The following UGT1A10 variants were observed in gnomAD, a reference collection of about 807,000 sequenced individuals.
UGT1A10 encodes the protein UDP glucuronosyltransferase family 1 member A10.
UGT1A10 carries 49 observed loss-of-function variants against 45.8 expected under a neutral mutation model. The observed-to-expected ratio is 1.07, with a 90% CI of 0.85 to 1.36. The LOEUF is 1.36. Among genes scored for constraint, UGT1A10 ranks in the 40% most tolerant of loss-of-function variants. The pLI is 0.00. For synonymous variants in UGT1A10, 284 were observed against 249.7 expected, an observed-to-expected ratio of 1.14 and a Z score of -1.29; for missense variants, 745 against 668.6, an observed-to-expected ratio of 1.11 and a Z score of -1.26.
rs181203799 is a variant in UGT1A10, at chr2:233,760,152, C to T, written c.856-6882C>T. ...TTCTTTATCTCTGAAAGTGAACTCC[C>T]TGCTACCTTTGTGGACTGACAGCTT... On this transcript the variant is annotated intron_variant, in intron 1 of 4. Transcript: ENST00000344644. 37 of 1,481,016 alleles carry T rather than the reference C, an allele frequency of 2.5e-5. No individual in the cohort carries two copies. The Admixed American group carries it at 2.7e-4, about 11-fold the overall frequency. The allele number at this position is 1,481,016 out of a possible 1,614,324, so 91.7% of individuals were successfully genotyped here. A position where few individuals can be genotyped will look rare whatever the true frequency, so the allele number is the denominator to read the frequency against.
At chr2:233,768,085 C>T (rs1699559246) in intron 3 of UGT1A10, 135 bp from the exon 4 acceptor site, 1 of 1,591,380 alleles carries the variant, frequency 6.3e-7, no homozygotes, top group East Asian at 2.2e-5. Context: ...TATCTCAACC[C>T]ACATTTTCTT....
intron 1 of UGT1A10, among the ~76,000 whole-genome samples, chr2:233,652,771 C>A (rs142941845): frequency 8.9e-4 from 135 of 152,242 alleles, no homozygotes; most frequent in Admixed American, 2.8e-3. Context: ...TATCCACATG[C>A]AAAAGAATGA....
chr2:233,658,784 A>G (rs2073907069), intron 1 of UGT1A10, among the ~76,000 whole-genome samples: 1 of 152,240 alleles, frequency 6.6e-6, no homozygotes, highest in African/African-American at 2.4e-5. Flanking sequence ...GGTTGTTCAT[A>G]CTGCTAAACA....
chr2:233,675,199 C>T (rs571502829), intron 1 of UGT1A10, among the ~76,000 whole-genome samples: 5 of 152,178 alleles, frequency 3.3e-5, no homozygotes, highest in South Asian at 2.1e-4. Flanking sequence ...CAGATGGCCC[C>T]GTCTTCAATG....
At chr2:233,691,354 A>G in intron 1 of UGT1A10, 1 of 985,506 alleles carries the variant, frequency 1.0e-6, no homozygotes, top group Non-Finnish European at 1.2e-6. Flanking sequence ...CATGCCTTGA[A>G]CAATGAATTT....
intron 1 of UGT1A10, chr2:233,761,022 G>A (rs749651784): frequency 1.2e-6 from 2 of 1,614,120 alleles, no homozygotes; most frequent in Non-Finnish European, 1.7e-6. Context: ...TGACTGTCCA[G>A]GACCTATTGA....
chr2:233,672,609 A>G, intron 1 of UGT1A10: 1 of 1,613,812 alleles, frequency 6.2e-7, no homozygotes, highest in Non-Finnish European at 8.5e-7. Context: ...GTTTTTTCAA[A>G]AATGCCCTAG....
chr2:233,642,337 A>G (rs757279353), intron 1 of UGT1A10, among the ~76,000 whole-genome samples: 21 of 152,122 alleles, frequency 1.4e-4, no homozygotes, highest in Non-Finnish European at 2.8e-4. Context: ...TGCATTTTTC[A>G]GCTCCAGAAT....
intron 1 of UGT1A10, among the ~76,000 whole-genome samples, chr2:233,726,425 CTCTTAA>C (rs2077531694): frequency 6.6e-6 from 1 of 152,204 alleles, no homozygotes; most frequent in Non-Finnish European, 1.5e-5. Context: ...ATTCTGTCCA[CTCTTAA>C]TCTTATTCTT....
intron 1 of UGT1A10, among the ~76,000 whole-genome samples, chr2:233,725,069 C>G (rs1374250230): frequency 2.7e-5 from 4 of 146,562 alleles, no homozygotes; most frequent in Non-Finnish European, 4.5e-5. Context: ...CGCCTGCAAT[C>G]GCAGGCACTC....
intron 1 of UGT1A10, among the ~76,000 whole-genome samples, chr2:233,652,901 A>C (rs2125478312): frequency 6.6e-6 from 1 of 152,370 alleles, no homozygotes; most frequent in Non-Finnish European, 1.5e-5. Flanking sequence ...CAGATTTGGA[A>C]ATGGTTTCTG....
intron 1 of UGT1A10, chr2:233,693,053 T>C (rs2075129505): frequency 6.2e-7 from 1 of 1,614,086 alleles, no homozygotes; most frequent in African/African-American, 1.3e-5. Context: ...AGGGGTTTTC[T>C]TCTTAGCACT....
intron 1 of UGT1A10, among the ~76,000 whole-genome samples, chr2:233,657,541 A>G (rs769371087): frequency 2.0e-5 from 3 of 152,212 alleles, no homozygotes; most frequent in Non-Finnish European, 4.4e-5. Flanking sequence ...CGGGAAAAAC[A>G]TACTAGGTCA....
rs190865559 is a variant in UGT1A10 at position 233,744,424 on chromosome 2, A to G, written c.856-22610A>G. 3.3e-5 allele frequency among the ~76,000 whole-genome samples: 5 copies of G among 151,988 alleles called. No individual in the cohort carries two copies. The East Asian group carries it at 9.6e-4, about 29-fold the overall frequency. On this transcript the variant is annotated intron_variant, in intron 1 of 4. Coordinates refer to ENST00000344644, the MANE Select transcript of UGT1A10 (RefSeq NM_019075.4). ...CCATTTGCTTTTGTTCATGTGGATT[A>G]TATCTATCATACGTACTGCATTAGA...
In UGT1A10 at chr2:233,729,398, G is replaced by A. The variant is rs540607993; in HGVS notation, c.856-37636G>A. On this transcript the variant is annotated intron_variant, in intron 1 of 4. Coordinates refer to ENST00000344644, the MANE Select transcript of UGT1A10 (RefSeq NM_019075.4). The stretch of plus-strand genomic sequence containing the variant: ...TCGTGGACCCAGGATGAATTTGATC[G>A]CCATGTGCTGGGCCACACTCAACTG... 219 of 1,613,654 alleles carry A rather than the reference G, an allele frequency of 1.4e-4. 1 individual carries two copies. The South Asian group carries it at 1.7e-3, about 12-fold the overall frequency.
At chr2:233,659,150 T>C (rs1208719427) in intron 1 of UGT1A10, among the ~76,000 whole-genome samples, 1 of 152,220 alleles carries the variant, frequency 6.6e-6, no homozygotes, top group Non-Finnish European at 1.5e-5. Flanking sequence ...ATCAGATTTA[T>C]CCCTAAGTAT....
intron 1 of UGT1A10, among the ~76,000 whole-genome samples, chr2:233,649,227 A>G (rs951568132): frequency 3.9e-5 from 6 of 152,154 alleles, no homozygotes; most frequent in African/African-American, 1.4e-4. Flanking sequence ...TGTGTATACG[A>G]TTGGTTAATT....
intron 1 of UGT1A10, among the ~76,000 whole-genome samples, chr2:233,657,137 G>A (rs1269082634): frequency 1.3e-5 from 2 of 152,114 alleles, no homozygotes. Context: ...AGACATTCTG[G>A]TGATGCCCTG....
intron 1 of UGT1A10, among the ~76,000 whole-genome samples, chr2:233,745,781 C>T (rs1693207389): frequency 6.7e-6 from 1 of 150,162 alleles, no homozygotes; most frequent in Non-Finnish European, 1.5e-5. Context: ...TGAGCTTAGA[C>T]AGGGGGGCTG....
Sources: allele counts gnomAD v4.1 joint callset (sites outside exome capture counted in the v4.1 genomes callset), GRCh38; gene constraint gnomAD v4.1.1; transcripts MANE v1.5; gene names NCBI Gene and HGNC (gene_info 2026-07-23, HGNC 2026-07-21).